Variants in CPNE5 observed in about 807,000 individuals in gnomAD.
CPNE5 encodes copine-5.
A neutral mutation model predicts 81.1 loss-of-function variants in CPNE5; 42 were observed. The ratio of observed to expected loss-of-function variants is 0.52; its 90% CI spans 0.40 to 0.67. The LOEUF is 0.67. CPNE5 is among the 30% of genes least tolerant of loss of function. The pLI is 0.00. For synonymous variants in CPNE5, 313 were observed against 321.5 expected (o/e 0.97, Z 0.28); for missense variants, 612 against 815.5 (o/e 0.75, Z 3.04).
At chr6:36,810,230 G>A (rs79079047) in intron 3 of CPNE5, among the ~76,000 whole-genome samples, 3 of 152,144 alleles carry the variant, frequency 2.0e-5, no homozygotes, top group South Asian at 2.1e-4. Flanking sequence ...ATTGAGCTTC[G>A]GAGCCATCCC....
At chr6:36,794,756 G>C (rs1363075912) in intron 6 of CPNE5, 107 bp from the exon 7 acceptor site, 9 of 991,608 alleles carry the variant, frequency 9.1e-6, no homozygotes, top group Non-Finnish European at 1.4e-5. Flanking sequence ...GGCTGCTCTG[G>C]AAGTCATTAA....
Position 36,827,236 on chromosome 6 carries a change from T to C in CPNE5, c.96-4138A>G, listed in dbSNP as rs1168699871. 1.0e-5 allele frequency: 8 copies of C among 767,566 alleles called. No homozygotes were observed. The African/African-American group carries it at 1.5e-4, about 14-fold the overall frequency. The allele number at this position is 767,566 out of a possible 1,614,324, so 47.5% of individuals were successfully genotyped here. Reference sequence around the variant, plus strand: ...CTATGTCCCTGCGCCCTACACCCTCTGATCCCACACCTCGTCCACACTTGC... The same window carrying C: ...CTATGTCCCTGCGCCCTACACCCTCCGATCCCACACCTCGTCCACACTTGC... On this transcript the variant is annotated intron_variant, in intron 1 of 20. Transcript: ENST00000244751.
intron 18 of CPNE5, chr6:36,744,620 G>A (rs568738469): frequency 6.1e-5 from 31 of 508,692 alleles, no homozygotes; most frequent in Non-Finnish European, 9.6e-5. Flanking sequence ...CCACCGGCTT[G>A]GGGAGCCATG....
intron 10 of CPNE5, among the ~76,000 whole-genome samples, chr6:36,769,584 A>T (rs570643983): frequency 2.6e-5 from 4 of 152,354 alleles, no homozygotes; most frequent in African/African-American, 9.6e-5. Context: ...GTTTTGCCTT[A>T]AATGGACTTG....
rs1288229165 is a variant in CPNE5 at position 36,765,395 on chromosome 6, T to C, written c.738-19A>G. Reference sequence around the variant, plus strand: ...GATGGTCCTGCAAAACAAAGGCCTTTGCTGGGATGGGCCCAACCCCACACC... The same window carrying C: ...GATGGTCCTGCAAAACAAAGGCCTTCGCTGGGATGGGCCCAACCCCACACC... On this transcript the variant is annotated intron_variant, in intron 10 of 20. Coordinates refer to ENST00000244751, the MANE Select transcript of CPNE5 (RefSeq NM_020939.2). The C allele has an allele frequency of 1.2e-6, 2 of 1,613,564 alleles. No individual in the cohort carries two copies. Among genetic ancestry groups the C allele is most frequent in the East Asian group, 4.5e-5 (2 of 44,876 alleles).
rs1164086485 is a variant in CPNE5 at position 36,743,301 on chromosome 6, C to A, written c.1563+388G>T. 1.8e-5 allele frequency: 16 copies of A among 904,572 alleles called. No homozygotes were observed. In the South Asian group the frequency reaches 2.0e-4, roughly 11 times the overall value. 56.0% of individuals were successfully genotyped at this position (904,572 alleles called of 1,614,324 possible). A position where few individuals can be genotyped will look rare whatever the true frequency, so the allele number is the denominator to read the frequency against. On this transcript the variant is annotated intron_variant, in intron 20 of 20. Transcript: ENST00000244751. ...GTTCATGGAGATGCTTACATTGATT[C>A]AGTTAACCGAGCAATGCCTATTCTT...
intron 3 of CPNE5, among the ~76,000 whole-genome samples, chr6:36,811,493 C>T (rs1456477317): frequency 6.6e-6 from 1 of 152,230 alleles, no homozygotes; most frequent in Non-Finnish European, 1.5e-5. Flanking sequence ...AGATCCCCCA[C>T]CTGGGCAGGT....
intron 7 of CPNE5, 103 bp from the exon 8 acceptor site, chr6:36,792,199 C>A (rs3213538): frequency 0.034 from 40,589 of 1,199,486 alleles, 1,181 homozygotes; most frequent in East Asian, 0.13. Flanking sequence ...CCGCCCCCTA[C>A]CATCCAGCAG....
intron 11 of CPNE5, among the ~76,000 whole-genome samples, chr6:36,764,797 G>A (rs1247257875): frequency 6.6e-6 from 1 of 152,114 alleles, no homozygotes; most frequent in Non-Finnish European, 1.5e-5. Flanking sequence ...CATTCCCTCA[G>A]TCCTGGCTCT....
chr6:36,825,607 G>C (rs1325991477), intron 1 of CPNE5, among the ~76,000 whole-genome samples: 2 of 152,236 alleles, frequency 1.3e-5, no homozygotes, highest in Non-Finnish European at 2.9e-5. Flanking sequence ...GAGAGCATCA[G>C]ATGAACGATA....
chr6:36,814,650 C>T (rs553637248), intron 3 of CPNE5, among the ~76,000 whole-genome samples: 3 of 152,108 alleles, frequency 2.0e-5, no homozygotes, highest in African/African-American at 7.2e-5. Flanking sequence ...CTAAGGCAAG[C>T]CCCTGTGTGG....
intron 3 of CPNE5, among the ~76,000 whole-genome samples, chr6:36,808,935 T>C (rs1364424296): frequency 2.0e-5 from 3 of 152,212 alleles, no homozygotes; most frequent in African/African-American, 7.2e-5. Context: ...GCTGGCTGGC[T>C]CCAAATCAAT....
At chr6:36,756,443 G>A in intron 12 of CPNE5, 145 bp from the exon 13 acceptor site, 1 of 647,966 alleles carries the variant, frequency 1.5e-6, no homozygotes, top group Non-Finnish European at 2.7e-6. Context: ...GGGGAGAAGG[G>A]TTTAAGGAGG....
At chr6:36,789,462 A>G (rs1561787972) in intron 8 of CPNE5, among the ~76,000 whole-genome samples, 1 of 152,364 alleles carries the variant, frequency 6.6e-6, no homozygotes, top group East Asian at 1.9e-4. Context: ...TAAACTAGGA[A>G]GAAAGTCACC....
chr6:36,784,416 G>A (rs1582875777), intron 8 of CPNE5, among the ~76,000 whole-genome samples: 2 of 152,214 alleles, frequency 1.3e-5, no homozygotes, highest in East Asian at 3.8e-4. Context: ...CCGCCTGGGG[G>A]CTGTGCCTTG....
intron 8 of CPNE5, among the ~76,000 whole-genome samples, chr6:36,784,369 C>T (rs1437257946): frequency 6.6e-6 from 1 of 152,192 alleles, no homozygotes; most frequent in African/African-American, 2.4e-5. Context: ...GTACCCATGC[C>T]ACAGGGAAGT....
At chr6:36,823,166 G>A in intron 1 of CPNE5, 68 bp from the exon 2 acceptor site, 1 of 1,358,980 alleles carries the variant, frequency 7.4e-7, no homozygotes, top group South Asian at 1.6e-5. Flanking sequence ...GGGGATTCAG[G>A]CTGTTACCGA....
chr6:36,786,389 A>G (rs1768554340), intron 8 of CPNE5, among the ~76,000 whole-genome samples: 1 of 152,226 alleles, frequency 6.6e-6, no homozygotes, highest in South Asian at 2.1e-4. Context: ...CATTGACTGT[A>G]ATAACCATGT....
intron 3 of CPNE5, among the ~76,000 whole-genome samples, chr6:36,801,881 A>G (rs1324217928): frequency 6.6e-6 from 1 of 152,200 alleles, no homozygotes; most frequent in Non-Finnish European, 1.5e-5. Context: ...CTGTTTCACA[A>G]CAATGCAAAT....
Sources: allele counts gnomAD v4.1 joint callset (sites outside exome capture counted in the v4.1 genomes callset), GRCh38; gene constraint gnomAD v4.1.1; transcripts MANE v1.5; gene names NCBI Gene and HGNC (gene_info 2026-07-23, HGNC 2026-07-21).